The following STARD13 variants were observed in gnomAD, a reference collection of about 807,000 sequenced individuals.
The protein encoded by STARD13 is StAR related lipid transfer domain containing 13.
STARD13 carries 62 observed loss-of-function variants against 106.4 expected under a neutral mutation model. That is an observed-to-expected ratio of 0.58 (90% CI 0.48 to 0.72). STARD13 has a LOEUF of 0.72. Among genes scored for constraint, STARD13 ranks in the 30% least tolerant of loss-of-function variants. The pLI is 0.00. For synonymous variants in STARD13, 565 were observed against 553.0 expected, an observed-to-expected ratio of 1.02 and a Z score of -0.31; for missense variants, 1,387 against 1,424.0, an observed-to-expected ratio of 0.97 and a Z score of 0.42.
chr13:33,314,351 G>A (rs1893250876), intron 1 of STARD13, among the ~76,000 whole-genome samples: 1 of 152,196 alleles, frequency 6.6e-6, no homozygotes, highest in East Asian at 1.9e-4. Flanking sequence ...AGAGTCAACA[G>A]TTACTCCTGG....
chr13:33,110,895 A>G lies in STARD13; in HGVS notation c.2620T>C (p.Leu874=), dbSNP rs764256794. The change falls in exon 11 of 14, where the codon TTG becomes CTG. Residue 874 remains leucine (L), a synonymous_variant. Transcript: ENST00000336934. ...CDRLFEVPHE[L]VAQSRNSYVE... ...TACGAGTTACGAGACTGGGCCACCA[A>G]CTCGTGTGGAACCTAGACCAACGGA... is the stretch of plus-strand genomic sequence containing the variant. 7 of 1,612,886 alleles carry G rather than the reference A, an allele frequency of 4.3e-6. No homozygotes were observed. Among genetic ancestry groups the G allele is most frequent in the African/African-American group, 4.0e-5 (3 of 74,892 alleles).
At chr13:33,286,047 C>A (rs1566118976), upstream of STARD13, among the ~76,000 whole-genome samples, 1 of 151,922 alleles carries the variant, frequency 6.6e-6, no homozygotes, top group Non-Finnish European at 1.5e-5. Context: ...CAAACAAGTC[C>A]AGGGCTCAGG....
At chr13:33,610,016 T>A in the STARD13 span, among the ~76,000 whole-genome samples, 3 of 152,130 alleles carry the variant, frequency 2.0e-5, no homozygotes, top group Non-Finnish European at 4.4e-5. Flanking sequence ...AAAAAATAAT[T>A]GTTTTTATTG....
chr13:33,236,737 C>T (rs1889208559), intron 1 of STARD13, among the ~76,000 whole-genome samples: 2 of 152,228 alleles, frequency 1.3e-5, no homozygotes, highest in African/African-American at 2.4e-5. Context: ...ATCAACTGGT[C>T]TTCAATCCCT....
At chr13:33,399,119 C>T in the STARD13 span, among the ~76,000 whole-genome samples, 7 of 151,880 alleles carry the variant, frequency 4.6e-5, no homozygotes, top group Non-Finnish European at 2.9e-5. Context: ...GAAAATGTGA[C>T]ATATATATAT....
chr13:33,127,371 A>G lies in STARD13; in HGVS notation c.1922+2T>C. 1.3e-6 allele frequency: 2 copies of G among 1,588,690 alleles called. No individual in the cohort carries two copies. The highest frequency in any genetic ancestry group is 1.1e-5 in the South Asian group (1 of 89,120). The stretch of plus-strand genomic sequence containing the variant: ...CCCCTCCTAGGTGAATGTGCTACGC[A>G]CCATGTCCAGCCGTGCTTGTTGGAC... On this transcript the variant is annotated splice_donor_variant, in intron 6 of 13. Coordinates refer to ENST00000336934, the MANE Select transcript of STARD13 (RefSeq NM_178006.4). LOFTEE classifies it high-confidence loss of function.
chr13:33,528,231 T>TATATATATACATATATATATATATAC, the STARD13 span, among the ~76,000 whole-genome samples: 1 of 130,698 alleles, frequency 7.7e-6, no homozygotes, highest in African/African-American at 3.6e-5. Context: ...TGTGTGTATA[T>TATATATATACATATATATATATATAC]ATATATATAT....
At chr13:33,226,894 C>T (rs1468147603) in intron 1 of STARD13, among the ~76,000 whole-genome samples, 2 of 152,138 alleles carry the variant, frequency 1.3e-5, no homozygotes, top group African/African-American at 4.8e-5. Flanking sequence ...TAAAACAGTA[C>T]TTCTTAACTG....
chr13:33,280,880 CTG>C lies in STARD13; in HGVS notation c.169+4588_169+4589del, dbSNP rs922470905. 3 of 152,162 alleles carry C rather than the reference CTG, an allele frequency of 2.0e-5. No individual in the cohort carries two copies. The East Asian group carries it at 5.8e-4, about 29-fold the overall frequency. The allele number at this position is 152,162 out of a possible 1,614,324, so 9.4% of individuals were successfully genotyped here. A position where few individuals can be genotyped will look rare whatever the true frequency, so the allele number is the denominator to read the frequency against. On this transcript the variant is annotated intron_variant, in intron 1 of 13. Coordinates refer to ENST00000336934, the MANE Select transcript of STARD13 (RefSeq NM_178006.4). ...AAGAAGGGAAAAAGGTCTAGAGAAG[CTG>C]TGACTTCTCTCAGATCACACAATAA...
At chr13:33,226,731 G>C (rs1343972690) in intron 1 of STARD13, among the ~76,000 whole-genome samples, 1 of 151,968 alleles carries the variant, frequency 6.6e-6, no homozygotes, top group Non-Finnish European at 1.5e-5. Context: ...CACCACACCC[G>C]GCCTCAAATT....
rs759557716 is a variant in STARD13 at position 33,285,617 on chromosome 13, T to G, written c.22A>C (p.Thr8Pro). Residue 8 changes from threonine (T) to proline (P), a missense_variant, in exon 1 of 14, where the codon ACC becomes CCC. By Grantham distance (38) the Thr-to-Pro change is conservative. Coordinates refer to ENST00000336934, the MANE Select transcript of STARD13 (RefSeq NM_178006.4). MFSQVPRTPASGCYYLNS... is the reference protein window; with the variant it reads MFSQVPRPPASGCYYLNS... ...AGGTAGTAGCAGCCTGAGGCTGGGG[T>G]CCTGGGCACCTGACTGAACATCTCG... 2.4e-4 allele frequency: 392 copies of G among 1,613,130 alleles called. No individual in the cohort carries two copies. Among genetic ancestry groups the G allele is most frequent in the Non-Finnish European group, 3.0e-4 (358 of 1,179,878 alleles).
At chr13:33,572,501 A>G in the STARD13 span, among the ~76,000 whole-genome samples, 18,175 of 152,222 alleles carry the variant, frequency 0.12, 1,505 homozygotes, top group East Asian at 0.28. Flanking sequence ...CTCTGGCTTG[A>G]AGGCTGCCCA....
chr13:33,147,261 T>G (rs1281848998), intron 3 of STARD13, among the ~76,000 whole-genome samples: 1 of 152,142 alleles, frequency 6.6e-6, no homozygotes, highest in Admixed American at 6.5e-5. Context: ...TTCCTAGGAA[T>G]CTAGAAGGCC....
At chr13:33,637,242 G>A in the STARD13 span, among the ~76,000 whole-genome samples, 3 of 152,150 alleles carry the variant, frequency 2.0e-5, no homozygotes, top group Non-Finnish European at 4.4e-5. Flanking sequence ...TGGAGAGAGT[G>A]TGACTTCTCT....
chr13:33,383,349 C>T, the STARD13 span, among the ~76,000 whole-genome samples: 1 of 151,900 alleles, frequency 6.6e-6, no homozygotes, highest in Non-Finnish European at 1.5e-5. Context: ...AGTGAACTCC[C>T]ACCTGGGCAA....
intron 1 of STARD13, among the ~76,000 whole-genome samples, chr13:33,196,622 C>T (rs1282994789): frequency 6.6e-6 from 1 of 152,066 alleles, no homozygotes; most frequent in Admixed American, 6.6e-5. Context: ...GACATGGACT[C>T]GATTGAGAGA....
At chr13:33,639,670 C>T in the STARD13 span, among the ~76,000 whole-genome samples, 1 of 152,254 alleles carries the variant, frequency 6.6e-6, no homozygotes, top group Non-Finnish European at 1.5e-5. Context: ...TGTAAACAGA[C>T]TGTCACTTAC....
chr13:33,191,328 G>T (rs997408994), intron 1 of STARD13, among the ~76,000 whole-genome samples: 1 of 152,216 alleles, frequency 6.6e-6, no homozygotes. Flanking sequence ...CTAGCTACTT[G>T]TATGACCTTG....
chr13:33,401,085 C>T, the STARD13 span, among the ~76,000 whole-genome samples: 1 of 152,158 alleles, frequency 6.6e-6, no homozygotes, highest in Non-Finnish European at 1.5e-5. Context: ...CCCTCCACCC[C>T]TGGGACACCC....
Sources: allele counts gnomAD v4.1 joint callset (sites outside exome capture counted in the v4.1 genomes callset), GRCh38; gene constraint gnomAD v4.1.1; transcripts MANE v1.5; gene names NCBI Gene and HGNC (gene_info 2026-07-23, HGNC 2026-07-21).